Variants in ACER2 observed in about 807,000 individuals in gnomAD.
The protein encoded by ACER2 is alkCDase 2.
A neutral mutation model predicts 34.7 loss-of-function variants in ACER2; 26 were observed. The ratio of observed to expected loss-of-function variants is 0.75; its 90% CI spans 0.55 to 1.04. ACER2 has a LOEUF of 1.04. ACER2 is among the 50% of genes least tolerant of loss of function. The pLI, the probability that ACER2 is intolerant of heterozygous loss-of-function variation, is 0.00. For missense variants in ACER2, 352 were observed against 340.8 expected, an observed-to-expected ratio of 1.03 and a Z score of -0.26; for synonymous variants, 138 against 132.1, an observed-to-expected ratio of 1.04 and a Z score of -0.31.
intron 1 of ACER2, among the ~76,000 whole-genome samples, chr9:19,421,922 A>G (rs1353356734): frequency 6.6e-6 from 1 of 152,190 alleles, no homozygotes; most frequent in Admixed American, 6.5e-5. Flanking sequence ...AAATGTGCCT[A>G]GCCCAAACTG....
At chr9:19,436,196 T>C (rs1347798049) in intron 4 of ACER2, among the ~76,000 whole-genome samples, 3 of 151,960 alleles carry the variant, frequency 2.0e-5, no homozygotes, top group Non-Finnish European at 4.4e-5. Context: ...GGATTGCAGG[T>C]GTGAGCCACT....
At chr9:19,423,236 G>A (rs1439628072) in intron 1 of ACER2, among the ~76,000 whole-genome samples, 1 of 152,034 alleles carries the variant, frequency 6.6e-6, no homozygotes, top group African/African-American at 2.4e-5. Flanking sequence ...AAGAATTACT[G>A]GTTAATTCTT....
At chr9:19,448,866 C>T (rs377344558) in intron 5 of ACER2, among the ~76,000 whole-genome samples, 210 of 152,260 alleles carry the variant, frequency 1.4e-3, no homozygotes, top group African/African-American at 4.7e-3. Flanking sequence ...ATCAGCCGGG[C>T]GTGGTGGCTC....
intron 3 of ACER2, among the ~76,000 whole-genome samples, chr9:19,428,541 T>G (rs554105750): frequency 6.3e-4 from 96 of 151,940 alleles, no homozygotes; most frequent in Non-Finnish European, 1.1e-3. Context: ...CAGGAGAGTG[T>G]GGTGGCTAAG....
At chr9:19,445,427 G>T (rs1831323316) in intron 4 of ACER2, among the ~76,000 whole-genome samples, 1 of 152,200 alleles carries the variant, frequency 6.6e-6, no homozygotes, top group South Asian at 2.1e-4. Flanking sequence ...AAACACAGAG[G>T]GTGTCAGGGA....
intron 1 of ACER2, among the ~76,000 whole-genome samples, chr9:19,423,456 G>C (rs190942694): frequency 1.3e-5 from 2 of 152,150 alleles, no homozygotes; most frequent in Non-Finnish European, 2.9e-5. Context: ...ATCCCAGCAC[G>C]TTGGGAGGCT....
intron 4 of ACER2, among the ~76,000 whole-genome samples, chr9:19,437,490 A>C (rs572715877): frequency 6.6e-6 from 1 of 152,032 alleles, no homozygotes; most frequent in Non-Finnish European, 1.5e-5. Context: ...CCAGAGGACC[A>C]TTGCATTTGC....
At chr9:19,436,146 G>A (rs1830964278) in intron 4 of ACER2, among the ~76,000 whole-genome samples, 1 of 151,508 alleles carries the variant, frequency 6.6e-6, no homozygotes, top group African/African-American at 2.4e-5. Context: ...CAAACTCCTG[G>A]CCTCAAGCAG....
At chr9:19,418,737 T>C (rs1449295286) in intron 1 of ACER2, among the ~76,000 whole-genome samples, 1 of 152,046 alleles carries the variant, frequency 6.6e-6, no homozygotes, top group Non-Finnish European at 1.5e-5. Context: ...GAGAAATACC[T>C]AATGTAGATG....
chr9:19,426,326 C>A lies in ACER2; in HGVS notation c.365+1485C>A, dbSNP rs572674143. On this transcript the variant is annotated intron_variant, in intron 3 of 5. Coordinates refer to ENST00000340967, the MANE Select transcript of ACER2 (RefSeq NM_001010887.3). ...TCTTTCTCTTTCTTTCTTTCTTTTT[C>A]TTTCTTTCTGTCTTTGTCTTTCTCC... Among the ~76,000 whole-genome samples, 98 of 140,692 alleles carry A rather than the reference C, an allele frequency of 7.0e-4. 1 individual carries two copies. The East Asian group carries it at 0.017, about 25-fold the overall frequency. 92.3% of individuals were successfully genotyped at this position (140,692 alleles called of 152,430 possible). A position where few individuals can be genotyped will look rare whatever the true frequency, so the allele number is the denominator to read the frequency against.
intron 4 of ACER2, among the ~76,000 whole-genome samples, chr9:19,437,000 C>T (rs1830997687): frequency 6.6e-6 from 1 of 152,192 alleles, no homozygotes; most frequent in Admixed American, 6.5e-5. Context: ...GGCTTTCATA[C>T]CTGACTGTTC....
chr9:19,434,131 G>A (rs1169427259), intron 3 of ACER2, among the ~76,000 whole-genome samples: 2 of 149,266 alleles, frequency 1.3e-5, no homozygotes, highest in African/African-American at 5.0e-5. Flanking sequence ...TCACATCCCA[G>A]ACAGGGCGGC....
chr9:19,414,713 G>C (rs765024786), intron 1 of ACER2, among the ~76,000 whole-genome samples: 2 of 152,144 alleles, frequency 1.3e-5, no homozygotes, highest in Non-Finnish European at 2.9e-5. Flanking sequence ...TGAGATCAAG[G>C]CTGCAGTGAG....
chr9:19,426,415 C>A (rs1023184028), intron 3 of ACER2, among the ~76,000 whole-genome samples: 11 of 146,520 alleles, frequency 7.5e-5, no homozygotes, highest in Non-Finnish European at 1.7e-4. Context: ...CCCCTCCTTT[C>A]CCCTCCCTTC....
intron 1 of ACER2, among the ~76,000 whole-genome samples, chr9:19,413,264 T>C (rs560917810): frequency 2.0e-5 from 3 of 152,350 alleles, no homozygotes; most frequent in Non-Finnish European, 4.4e-5. Flanking sequence ...TTCTTCTATA[T>C]ACAAATTTTA....
chr9:19,426,911 T>C (rs1278284445), intron 3 of ACER2, among the ~76,000 whole-genome samples: 3 of 152,032 alleles, frequency 2.0e-5, no homozygotes, highest in Non-Finnish European at 2.9e-5. Context: ...TGAAAGCATA[T>C]TGTGAGGCAG....
intron 1 of ACER2, among the ~76,000 whole-genome samples, chr9:19,410,944 G>C (rs956632165): frequency 1.3e-5 from 2 of 152,178 alleles, no homozygotes; most frequent in African/African-American, 4.8e-5. Flanking sequence ...AAGAAGAAAA[G>C]ACAGCTTGAT....
chr9:19,418,151 C>T (rs1337063905), intron 1 of ACER2, among the ~76,000 whole-genome samples: 3 of 152,120 alleles, frequency 2.0e-5, no homozygotes, highest in Non-Finnish European at 4.4e-5. Context: ...AATGAGATAC[C>T]ATCTCATGCC....
intron 3 of ACER2, among the ~76,000 whole-genome samples, chr9:19,425,530 T>G (rs1302580000): frequency 1.3e-5 from 2 of 152,246 alleles, no homozygotes; most frequent in African/African-American, 2.4e-5. Flanking sequence ...AACAGCAGTC[T>G]TCCTCTAATG....
Sources: gnomAD v4.1 joint callset for allele counts (sites outside exome capture counted in the v4.1 genomes callset) on GRCh38, gnomAD v4.1.1 for gene constraint, MANE v1.5 for transcripts, NCBI Gene and HGNC (gene_info 2026-07-23, HGNC 2026-07-21) for gene names.